SVEP1: variants seen among roughly 807,000 people sequenced by gnomAD.
The protein encoded by SVEP1 is sushi, von Willebrand factor type A, EGF and pentraxin domain containing 1, also known as sushi, von Willebrand factor type A, EGF and pentraxin domain-containing protein 1.
A neutral mutation model predicts 367.3 loss-of-function variants in SVEP1; 164 were observed. The observed-to-expected ratio is 0.45, with a 90% CI of 0.39 to 0.51. The LOEUF is 0.51. SVEP1 is among the 20% of genes least tolerant of loss of function. The pLI is 0.00. For missense variants in SVEP1, 4,117 were observed against 4,425.3 expected (o/e 0.93, Z 1.98); for synonymous variants, 1,666 against 1,611.6 (o/e 1.03, Z -0.81).
chr9:110,458,605 C>T (rs780132593), intron 19 of SVEP1, 43 bp from the exon 20 acceptor site: 2 of 1,542,766 alleles, frequency 1.3e-6, no homozygotes, highest in South Asian at 1.2e-5. Context: ...GCAAATATGC[C>T]AGTAAGTGGA....
intron 40 of SVEP1, among the ~76,000 whole-genome samples, chr9:110,396,311 A>T: frequency 6.6e-6 from 1 of 152,050 alleles, no homozygotes; most frequent in South Asian, 2.1e-4. Context: ...GAGAACAAAG[A>T]CACAACATAC....
intron 1 of SVEP1, among the ~76,000 whole-genome samples, chr9:110,569,456 C>CAA (rs11368565): frequency 0.039 from 4,534 of 116,852 alleles, 121 homozygotes; most frequent in African/African-American, 0.045. Flanking sequence ...AACTCAGTCT[C>CAA]AAAAAAAAAA....
chr9:110,511,487 CCTTTTTTTTTTTTT>C (rs1829711043), intron 5 of SVEP1, among the ~76,000 whole-genome samples: 2 of 69,562 alleles, frequency 2.9e-5, no homozygotes, highest in South Asian at 4.0e-4. Context: ...TGTGTCAGTA[CCTTTTTTTTTTTTT>C]TTTTTTTTTT....
chr9:110,453,346 T>C (rs1408172873), intron 22 of SVEP1, among the ~76,000 whole-genome samples: 2 of 152,096 alleles, frequency 1.3e-5, no homozygotes, highest in Non-Finnish European at 2.9e-5. Flanking sequence ...ATCAATATTA[T>C]AATAATTATA....
intron 3 of SVEP1, among the ~76,000 whole-genome samples, chr9:110,517,751 TA>T (rs5899902): frequency 0.15 from 7,505 of 50,402 alleles, 223 homozygotes; most frequent in Non-Finnish European, 0.18. Context: ...ACCTGGCTCT[TA>T]AAAAAAAAAA....
chr9:110,443,496 C>T, intron 27 of SVEP1, 49 bp downstream of exon 27: 1 of 1,401,950 alleles, frequency 7.1e-7, no homozygotes, highest in South Asian at 1.7e-5. Context: ...ATTTAAGCAG[C>T]ATCACCTCTA....
At chr9:110,414,621 T>G (rs1828091085) in intron 36 of SVEP1, among the ~76,000 whole-genome samples, 1 of 152,020 alleles carries the variant, frequency 6.6e-6, no homozygotes, top group African/African-American at 2.4e-5. Flanking sequence ...AAAAAATCCT[T>G]TGAAAATGGG....
At chr9:110,533,697 C>A (rs1830048845) in intron 3 of SVEP1, among the ~76,000 whole-genome samples, 1 of 152,130 alleles carries the variant, frequency 6.6e-6, no homozygotes, top group Non-Finnish European at 1.5e-5. Flanking sequence ...GAATGATGGG[C>A]AATTTGAACA....
intron 1 of SVEP1, among the ~76,000 whole-genome samples, chr9:110,577,650 A>C (rs1332168151): frequency 6.6e-6 from 1 of 152,182 alleles, no homozygotes; most frequent in Non-Finnish European, 1.5e-5. Context: ...TCCATAAACA[A>C]AAATAAAAGG....
At chr9:110,390,325 T>TATATAAGTA (rs1827630287) in intron 40 of SVEP1, among the ~76,000 whole-genome samples, 1 of 58,074 alleles carries the variant, frequency 1.7e-5, no homozygotes, top group African/African-American at 8.5e-5. Flanking sequence ...GTATATATAC[T>TATATAAGTA]TATATATACA....
rs761952171 is a variant in SVEP1 at position 110,479,727 on chromosome 9, A to T, written c.2395T>A (p.Ser799Thr). The change falls in exon 13 of 48, where the codon TCC becomes ACC. Residue 799 changes from serine to threonine, a missense_variant. Coordinates refer to ENST00000374469, the MANE Select transcript of SVEP1 (RefSeq NM_153366.4). ...KKRFANHGFK[S>T]FEMFYKAARC... ...GCTGCTTTGTAGAACATCTCAAAGG[A>T]CTTGAACCCGTGGTTTGCAAAACGT... 4.4e-6 allele frequency: 7 copies of T among 1,607,788 alleles called. No individual in the cohort carries two copies. The highest frequency in any genetic ancestry group is 5.1e-6 in the Non-Finnish European group (6 of 1,178,070).
intron 24 of SVEP1, among the ~76,000 whole-genome samples, chr9:110,448,149 G>GCA (rs1491298922): frequency 7.5e-5 from 4 of 53,218 alleles, no homozygotes; most frequent in South Asian, 7.2e-4. Context: ...GTGTGTGTGT[G>GCA]CGCGTGTGTG....
At chr9:110,390,489 T>C (rs560620093) in intron 40 of SVEP1, among the ~76,000 whole-genome samples, 3 of 150,916 alleles carry the variant, frequency 2.0e-5, no homozygotes, top group South Asian at 2.1e-4. Context: ...CCAAAATGTA[T>C]ACAATTATGA....
In SVEP1 at chr9:110,436,496, C is replaced by T. The variant is rs371061033; in HGVS notation, c.4648G>A (p.Ala1550Thr). 1.2e-4 allele frequency: 195 copies of T among 1,613,442 alleles called. No homozygotes were observed. Among genetic ancestry groups the T allele is most frequent in the Middle Eastern group, 1.6e-4 (1 of 6,082 alleles). ...SVGLPIPGGG[A>T]LVLGQEQDKK... is the part of the protein sequence containing the mutation. The stretch of plus-strand genomic sequence containing the variant: ...TCTTGCTCTTGCCCCAGAACTAACG[C>T]ACCACCACCTAAGGAGAGAGAAAGA... Residue 1550 changes from alanine (A) to threonine (T), a missense_variant, in exon 28 of 48, where the codon GCG (alanine) becomes ACG (threonine). By Grantham distance (58) the Ala-to-Thr change is moderately conservative. This residue lies in a region of SVEP1 where 2,174 missense variants were observed against 2,494.3 expected (regional missense o/e 0.87). Transcript: ENST00000374469.
intron 40 of SVEP1, among the ~76,000 whole-genome samples, chr9:110,399,900 C>T (rs1450265808): frequency 1.3e-5 from 2 of 152,160 alleles, no homozygotes; most frequent in Non-Finnish European, 2.9e-5. Context: ...AACTAAATGA[C>T]AACATGGTGT....
intron 40 of SVEP1, among the ~76,000 whole-genome samples, chr9:110,400,284 G>A (rs1827837395): frequency 6.6e-6 from 1 of 152,136 alleles, no homozygotes; most frequent in Non-Finnish European, 1.5e-5. Flanking sequence ...GTCAGTTGAA[G>A]TCACAGCATC....
rs547468479 is a variant in SVEP1, at chr9:110,365,473, C to T, written c.*1066G>A. On this transcript the variant is annotated 3_prime_UTR_variant, in exon 48 of 48. Coordinates refer to ENST00000374469, the MANE Select transcript of SVEP1 (RefSeq NM_153366.4). Reference sequence around the variant, plus strand: ...AAGGCCTGTGTGGGAGCAGTTTTCCCAGAGGATGGAGGCAAGTTGATTCTG... The same window carrying T: ...AAGGCCTGTGTGGGAGCAGTTTTCCTAGAGGATGGAGGCAAGTTGATTCTG... 6.6e-6 allele frequency: 1 copy of T among 152,286 alleles called. No homozygotes were observed. The highest frequency in any genetic ancestry group is 2.1e-4 in the South Asian group (1 of 4,826). The allele number at this position is 152,286 out of a possible 1,614,324, so 9.4% of individuals were successfully genotyped here.
At chr9:110,431,649 T>A (rs906025295) in intron 32 of SVEP1, among the ~76,000 whole-genome samples, 4 of 152,336 alleles carry the variant, frequency 2.6e-5, no homozygotes, top group African/African-American at 9.6e-5. Flanking sequence ...ATTCTTGTAC[T>A]ATGTAGACGT....
chr9:110,397,531 T>C (rs1827783734), intron 40 of SVEP1, among the ~76,000 whole-genome samples: 1 of 152,060 alleles, frequency 6.6e-6, no homozygotes, highest in South Asian at 2.1e-4. Flanking sequence ...GGATATTCAA[T>C]TAGGAAAAGA....
Sources: allele counts gnomAD v4.1 joint callset (sites outside exome capture counted in the v4.1 genomes callset), GRCh38; gene constraint gnomAD v4.1.1; regional missense constraint gnomAD v4.1.1; transcripts MANE v1.5; gene names NCBI Gene and HGNC (gene_info 2026-07-23, HGNC 2026-07-21).